CCDC148: variants seen among roughly 807,000 people sequenced by gnomAD.
CCDC148 encodes coiled-coil domain-containing protein 148.
In CCDC148, 89 loss-of-function variants were observed where a neutral mutation model predicts 85.7. That is an observed-to-expected ratio of 1.04 (90% CI 0.87 to 1.24). CCDC148 has a LOEUF of 1.24. Among genes scored for constraint, CCDC148 ranks in the 50% most tolerant of loss-of-function variants. The probability of loss-of-function intolerance (pLI) is 0.00; values close to 1 mark genes in which losing one functional copy is unlikely to be tolerated. For synonymous variants in CCDC148, 230 were observed against 213.9 expected, an observed-to-expected ratio of 1.08 and a Z score of -0.66; for missense variants, 692 against 671.7, an observed-to-expected ratio of 1.03 and a Z score of -0.33.
intron 10 of CCDC148, among the ~76,000 whole-genome samples, chr2:158,224,172 G>T (rs1687360134): frequency 6.6e-6 from 1 of 152,178 alleles, no homozygotes; most frequent in Non-Finnish European, 1.5e-5. Context: ...CGTGATGAAT[G>T]CACAAGCCTC....
rs191908803 is a variant in CCDC148 at position 158,175,676 on chromosome 2, C to T, written c.1629+845G>A. ...AATATATGTTCCATAAATATTGGTTCAATTAATAAATGAATTATGCCTCTT... is the reference window on the plus strand; with the variant it reads ...AATATATGTTCCATAAATATTGGTTTAATTAATAAATGAATTATGCCTCTT... On this transcript the variant is annotated intron_variant, in intron 13 of 13. Coordinates refer to ENST00000283233, the MANE Select transcript of CCDC148 (RefSeq NM_138803.4). 1.7e-3 allele frequency among the ~76,000 whole-genome samples: 252 copies of T among 152,208 alleles called. 1 individual carries two copies. Among genetic ancestry groups the T allele is most frequent in the African/African-American group, 5.9e-3 (246 of 41,538 alleles).
At chr2:158,442,641 C>T (rs918016920) in intron 1 of CCDC148, among the ~76,000 whole-genome samples, 4 of 152,308 alleles carry the variant, frequency 2.6e-5, no homozygotes, top group African/African-American at 9.6e-5. Context: ...AGTGCCATTG[C>T]AAAAGGCCCA....
chr2:158,366,258 C>T (rs1684198895), intron 1 of CCDC148, among the ~76,000 whole-genome samples: 2 of 151,964 alleles, frequency 1.3e-5, no homozygotes, highest in Non-Finnish European at 2.9e-5. Flanking sequence ...TTTTTCTGTG[C>T]CTTTCTTGTT....
At chr2:158,312,578 C>CAAAAAAAAAAAAAAAAA (rs61545122) in intron 8 of CCDC148, among the ~76,000 whole-genome samples, 1 of 76,114 alleles carries the variant, frequency 1.3e-5, no homozygotes, top group African/African-American at 5.9e-5. Context: ...GAATCCATCT[C>CAAAAAAAAAAAAAAAAA]AAAAAAAAAA....
At chr2:158,417,567 A>G (rs941839273) in intron 1 of CCDC148, among the ~76,000 whole-genome samples, 5 of 152,184 alleles carry the variant, frequency 3.3e-5, no homozygotes, top group African/African-American at 1.2e-4. Context: ...TCTTAGAACT[A>G]TACTGCAGTC....
At chr2:158,301,199 A>C (rs1691424744) in intron 9 of CCDC148, among the ~76,000 whole-genome samples, 1 of 152,146 alleles carries the variant, frequency 6.6e-6, no homozygotes, top group Admixed American at 6.5e-5. Flanking sequence ...TGCAATTTAG[A>C]GAAAGGGTTT....
chr2:158,456,592 T>C lies in CCDC148; in HGVS notation c.-153A>G, dbSNP rs1199677802. The C allele has an allele frequency of 5.2e-6, 5 of 967,340 alleles. No homozygotes were observed. Among genetic ancestry groups the C allele is most frequent in the East Asian group, 5.3e-5 (2 of 37,630 alleles). 59.9% of individuals were successfully genotyped at this position (967,340 alleles called of 1,614,324 possible). ...CAAACCCTACCAGGCACAGTTGGGA[T>C]TGGCAGTAAGGCAAGGAAAGCCTGC... is the stretch of plus-strand genomic sequence containing the variant. On this transcript the variant is annotated 5_prime_UTR_variant, in exon 1 of 14. Coordinates refer to ENST00000283233, the MANE Select transcript of CCDC148 (RefSeq NM_138803.4).
intron 11 of CCDC148, among the ~76,000 whole-genome samples, chr2:158,196,211 C>T (rs982703434): frequency 1.3e-5 from 2 of 152,076 alleles, no homozygotes; most frequent in African/African-American, 2.4e-5. Context: ...AAAAACTCAC[C>T]ACTTTTTAAT....
At position 158,354,141 on chromosome 2, in the gene CCDC148, G is replaced by C. The variant is rs1350214571; in HGVS notation, c.147+4308C>G. ...GAGAAAGCAGGAAAGATCCAAAATT[G>C]ACACCCTAACATCACAATTAAAAGA... On this transcript the variant is annotated intron_variant, in intron 2 of 13. Transcript: ENST00000283233. 2.0e-5 allele frequency among the ~76,000 whole-genome samples: 3 copies of C among 151,656 alleles called. No individual in the cohort carries two copies. In the East Asian group the frequency reaches 5.8e-4, roughly 29 times the overall value.
intron 7 of CCDC148, among the ~76,000 whole-genome samples, chr2:158,330,509 G>A (rs1693042909): frequency 6.6e-6 from 1 of 152,160 alleles, no homozygotes; most frequent in Admixed American, 6.5e-5. Flanking sequence ...GTATCAGGAT[G>A]ATGCTGGCCT....
chr2:158,257,739 C>T (rs531600291), intron 9 of CCDC148, among the ~76,000 whole-genome samples: 3 of 151,802 alleles, frequency 2.0e-5, no homozygotes, highest in East Asian at 1.9e-4. Flanking sequence ...ATTATTATTT[C>T]GACTGTTCCA....
intron 1 of CCDC148, among the ~76,000 whole-genome samples, chr2:158,428,800 G>C (rs1687192655): frequency 1.3e-5 from 2 of 151,992 alleles, no homozygotes; most frequent in South Asian, 4.1e-4. Context: ...ATACCCAAAG[G>C]ATTATAAATC....
At chr2:158,440,521 A>G (rs1574827364) in intron 1 of CCDC148, among the ~76,000 whole-genome samples, 1 of 152,314 alleles carries the variant, frequency 6.6e-6, no homozygotes, top group African/African-American at 2.4e-5. Flanking sequence ...TGGATACCTG[A>G]AACCTCGAAT....
At chr2:158,264,044 T>G (rs1689348640) in intron 9 of CCDC148, among the ~76,000 whole-genome samples, 1 of 151,902 alleles carries the variant, frequency 6.6e-6, no homozygotes, top group African/African-American at 2.4e-5. Flanking sequence ...TCAAGAGAAC[T>G]GCTCATAGAT....
intron 11 of CCDC148, among the ~76,000 whole-genome samples, chr2:158,193,300 G>T (rs1685505063): frequency 2.0e-5 from 3 of 152,096 alleles, no homozygotes; most frequent in African/African-American, 7.2e-5. Context: ...AAGTGTTGAT[G>T]CAGAAATTGG....
chr2:158,271,097 T>A (rs1689677989), intron 9 of CCDC148, among the ~76,000 whole-genome samples: 4 of 152,178 alleles, frequency 2.6e-5, no homozygotes, highest in Admixed American at 2.6e-4. Context: ...GTGAAATTGA[T>A]CCATTCACTG....
chr2:158,393,986 C>T (rs7575415), intron 1 of CCDC148, among the ~76,000 whole-genome samples: 81,112 of 151,806 alleles, frequency 0.53, 22,177 homozygotes, highest in South Asian at 0.73. Context: ...AAGAGCCTTC[C>T]GAGTTCCTAG....
intron 1 of CCDC148, among the ~76,000 whole-genome samples, chr2:158,438,107 A>C (rs1687751096): frequency 6.6e-6 from 1 of 152,222 alleles, no homozygotes; most frequent in African/African-American, 2.4e-5. Flanking sequence ...CTTTCTTCAC[A>C]GAATTGGAAA....
chr2:158,233,544 T>A (rs1687955231), intron 10 of CCDC148, among the ~76,000 whole-genome samples: 2 of 151,584 alleles, frequency 1.3e-5, no homozygotes, highest in African/African-American at 4.8e-5. Flanking sequence ...GCTAAACTGA[T>A]CCAATGAAAA....
Sources: allele counts gnomAD v4.1 joint callset (sites outside exome capture counted in the v4.1 genomes callset), GRCh38; gene constraint gnomAD v4.1.1; transcripts MANE v1.5; gene names NCBI Gene and HGNC (gene_info 2026-07-23, HGNC 2026-07-21).